Variants in PDE11A observed in about 807,000 individuals in gnomAD.
PDE11A encodes phosphodiesterase 11A, also known as dual 3',5'-cyclic-AMP and -GMP phosphodiesterase 11A.
Under a neutral mutation model 100.5 loss-of-function variants are expected in PDE11A, and 100 were observed. The observed-to-expected ratio is 1.00, with a 90% CI of 0.85 to 1.18. The LOEUF is 1.18. PDE11A is among the 50% of genes most tolerant of loss of function. The probability of loss-of-function intolerance (pLI) is 0.00; values close to 1 mark genes in which losing one functional copy is unlikely to be tolerated. For synonymous variants in PDE11A, 381 were observed against 420.8 expected (o/e 0.91, Z 1.16); for missense variants, 1,141 against 1,152.6 (o/e 0.99, Z 0.15).
intron 2 of PDE11A, among the ~76,000 whole-genome samples, chr2:177,999,084 A>G (rs1282397638): frequency 6.6e-6 from 1 of 152,258 alleles, no homozygotes; most frequent in Non-Finnish European, 1.5e-5. Flanking sequence ...TGTCCTAATC[A>G]TGATAGGAAT....
intron 10 of PDE11A, among the ~76,000 whole-genome samples, chr2:177,731,656 T>C (rs534208735): frequency 6.6e-6 from 1 of 152,272 alleles, no homozygotes; most frequent in East Asian, 1.9e-4. Flanking sequence ...ACAAAGGATA[T>C]GGGGCTCTAA....
At chr2:177,737,017 G>T (rs1308270613) in intron 10 of PDE11A, among the ~76,000 whole-genome samples, 1 of 150,660 alleles carries the variant, frequency 6.6e-6, no homozygotes, top group East Asian at 2.0e-4. Flanking sequence ...GAGGTGGGTG[G>T]ATCACTTGAG....
At chr2:178,063,466 A>G (rs980299598) in intron 1 of PDE11A, among the ~76,000 whole-genome samples, 4 of 152,206 alleles carry the variant, frequency 2.6e-5, no homozygotes, top group Non-Finnish European at 2.9e-5. Context: ...AGGGCCGCAT[A>G]GGGAAAGGCC....
At chr2:178,007,486 T>C (rs924261268) in intron 2 of PDE11A, among the ~76,000 whole-genome samples, 10 of 152,190 alleles carry the variant, frequency 6.6e-5, no homozygotes, top group African/African-American at 1.9e-4. Context: ...AGTGATCATA[T>C]GAAGCCTGGG....
chr2:177,855,943 CA>C (rs2083825496), intron 5 of PDE11A, among the ~76,000 whole-genome samples: 1 of 139,484 alleles, frequency 7.2e-6, no homozygotes. Flanking sequence ...CACACACACA[CA>C]CACACACTAC....
chr2:178,072,304 C>T lies in PDE11A; in HGVS notation c.134G>A (p.Gly45Asp), dbSNP rs956598425. Residue 45 changes from glycine (G) to aspartate (D), a missense_variant, in exon 1 of 20, where the codon GGT (glycine) becomes GAT (aspartate). Physicochemically the swap from Gly to Asp is moderately conservative, Grantham distance 94 (BLOSUM62 -1). Coordinates refer to ENST00000286063, the MANE Select transcript of PDE11A (RefSeq NM_016953.4). ...GGGCCTTGGACCTAAAGCCCCCTGA[C>T]CCTGACTGTGCCTCTGCAGCCACTT... is the stretch of plus-strand genomic sequence containing the variant. ...VEKWLQRHSQ[G>D]QGALGPRPSL... is the part of the protein sequence containing the mutation. 6.2e-7 allele frequency: 1 copy of T among 1,614,098 alleles called. No homozygotes were observed. The highest frequency in any genetic ancestry group is 8.5e-7 in the Non-Finnish European group (1 of 1,179,988).
At chr2:178,054,784 A>G (rs2086876907) in intron 1 of PDE11A, among the ~76,000 whole-genome samples, 1 of 152,252 alleles carries the variant, frequency 6.6e-6, no homozygotes, top group Non-Finnish European at 1.5e-5. Flanking sequence ...AATGCAAATC[A>G]AAACCACAAT....
chr2:177,728,382 C>CGGGGTGGGGGGGG (rs2081634905), intron 10 of PDE11A, among the ~76,000 whole-genome samples: 1 of 69,138 alleles, frequency 1.4e-5, no homozygotes, highest in Admixed American at 1.7e-4. Context: ...GGGTTGGGGG[C>CGGGGTGGGGGGGG]GGGGGGAGGG....
chr2:178,105,792 A>G (rs971395842), intron 1 of PDE11A: 3 of 894,066 alleles, frequency 3.4e-6, no homozygotes, highest in South Asian at 9.0e-5. Flanking sequence ...ACCCCTCCCT[A>G]TCTCACCTGC....
chr2:177,670,216 C>A (rs1393266804), intron 17 of PDE11A, among the ~76,000 whole-genome samples: 1 of 152,148 alleles, frequency 6.6e-6, no homozygotes, highest in Non-Finnish European at 1.5e-5. Flanking sequence ...TTCAGGCTGT[C>A]TGGATCTACG....
At position 177,820,073 on chromosome 2, in the gene PDE11A, G is replaced by A. The variant is rs7567962; in HGVS notation, c.1576+147C>T. 2,615 of 609,522 alleles carry A rather than the reference G, an allele frequency of 4.3e-3. 48 individuals carry two copies. In the African/African-American group the frequency reaches 0.044, roughly 10 times the overall value. 37.8% of individuals were successfully genotyped at this position (609,522 alleles called of 1,614,324 possible). A position where few individuals can be genotyped will look rare whatever the true frequency, so the allele number is the denominator to read the frequency against. Reference sequence around the variant, plus strand: ...TAATGTTGATTCATTAGGAGCCTGTGCTTATGAAATTATACGAGAGTGTGA... The same window carrying A: ...TAATGTTGATTCATTAGGAGCCTGTACTTATGAAATTATACGAGAGTGTGA... On this transcript the variant is annotated intron_variant, in intron 7 of 19. Coordinates refer to ENST00000286063, the MANE Select transcript of PDE11A (RefSeq NM_016953.4).
At chr2:177,876,344 A>G (rs768157705) in intron 4 of PDE11A, among the ~76,000 whole-genome samples, 2 of 149,540 alleles carry the variant, frequency 1.3e-5, no homozygotes, top group African/African-American at 2.5e-5. Context: ...AAGTTAGTTC[A>G]TCTTTAAGCT....
At chr2:178,100,388 T>C (rs2087547516) in intron 2 of PDE11A, among the ~76,000 whole-genome samples, 1 of 152,188 alleles carries the variant, frequency 6.6e-6, no homozygotes, top group African/African-American at 2.4e-5. Flanking sequence ...AATAGTGTAA[T>C]TATTTGCAAC....
chr2:177,883,982 C>T (rs141882564), intron 4 of PDE11A, among the ~76,000 whole-genome samples: 5 of 152,292 alleles, frequency 3.3e-5, no homozygotes, highest in Admixed American at 6.5e-5. Context: ...GCCCTTAAAT[C>T]TTCTGCTCAT....
chr2:177,769,521 T>A (rs2105501815), intron 9 of PDE11A, 148 bp from the exon 10 acceptor site: 1 of 635,618 alleles, frequency 1.6e-6, no homozygotes, highest in African/African-American at 1.8e-5. Flanking sequence ...ACATGTCTAA[T>A]AACATTCTCT....
intron 1 of PDE11A, among the ~76,000 whole-genome samples, chr2:178,045,892 GGACAGGAA>G (rs2086743648): frequency 6.6e-6 from 1 of 152,182 alleles, no homozygotes; most frequent in Admixed American, 6.5e-5. Flanking sequence ...CTTCTTTCAT[GGACAGGAA>G]TCCAGCCTTG....
chr2:177,898,575 T>G (rs1301172265), intron 3 of PDE11A, among the ~76,000 whole-genome samples: 2 of 152,168 alleles, frequency 1.3e-5, no homozygotes, highest in Non-Finnish European at 2.9e-5. Flanking sequence ...GCCTTCTTCC[T>G]TACCAAAATT....
At chr2:177,996,677 A>G (rs566514569) in intron 2 of PDE11A, among the ~76,000 whole-genome samples, 1 of 152,306 alleles carries the variant, frequency 6.6e-6, no homozygotes, top group South Asian at 2.1e-4. Context: ...CAACGTAAAT[A>G]TTATGCTTTT....
intron 9 of PDE11A, among the ~76,000 whole-genome samples, chr2:177,788,215 G>C (rs1246453710): frequency 6.6e-6 from 1 of 151,378 alleles, no homozygotes; most frequent in East Asian, 1.9e-4. Flanking sequence ...AATCAAACTA[G>C]AACTCAGGAT....
Sources: allele counts gnomAD v4.1 joint callset (sites outside exome capture counted in the v4.1 genomes callset), GRCh38; gene constraint gnomAD v4.1.1; transcripts MANE v1.5; gene names NCBI Gene and HGNC (gene_info 2026-07-23, HGNC 2026-07-21).